Variants in PTP4A3 observed in about 807,000 individuals in gnomAD.
The protein encoded by PTP4A3 is protein tyrosine phosphatase type IVA 3.
In PTP4A3, 9 loss-of-function variants were observed where a neutral mutation model predicts 15.2. The observed-to-expected ratio is 0.59, with a 90% CI of 0.36 to 1.03. The LOEUF is 1.03. Ranked by LOEUF, PTP4A3 falls within the 50% of genes least tolerant of loss-of-function variation. The pLI is 0.02. For synonymous variants in PTP4A3, 95 were observed against 102.0 expected, an observed-to-expected ratio of 0.93 and a Z score of 0.41; for missense variants, 234 against 252.1, an observed-to-expected ratio of 0.93 and a Z score of 0.49.
chr8:141,404,781 C>T (rs544258664), intron 1 of PTP4A3, among the ~76,000 whole-genome samples: 2 of 152,262 alleles, frequency 1.3e-5, no homozygotes, highest in East Asian at 1.9e-4. Context: ...GTAGGAGTGG[C>T]AGCTCTGAGT....
intron 2 of PTP4A3, 133 bp downstream of exon 2, chr8:141,422,478 C>A: frequency 2.1e-6 from 2 of 938,548 alleles, no homozygotes; most frequent in Admixed American, 2.3e-5. Context: ...TGGAACAAAG[C>A]CCAGTCGCCT....
In PTP4A3 at chr8:141,425,174, CT is replaced by C; in HGVS notation, c.198+35del. ...CGCGCCACGGGGACCCTAGTCACTGCTGCCACCGGGGGAGGGTGGGGCGGGG... is the reference window on the plus strand; with the variant it reads ...CGCGCCACGGGGACCCTAGTCACTGCGCCACCGGGGGAGGGTGGGGCGGGG... On this transcript the variant is annotated intron_variant, in intron 3 of 5. Transcript: ENST00000521578. The surrounding 1 kb of genome is among the most constrained non-coding windows in gnomAD (Gnocchi z 4.2). The C allele has an allele frequency of 1.1e-6, 1 of 946,404 alleles. No individual in the cohort carries two copies. The highest frequency in any genetic ancestry group is 1.6e-6 in the Non-Finnish European group (1 of 623,172). The allele number at this position is 946,404 out of a possible 1,614,324, so 58.6% of individuals were successfully genotyped here. A position where few individuals can be genotyped will look rare whatever the true frequency, so the allele number is the denominator to read the frequency against.
At chr8:141,430,091 C>T (rs566936290) in intron 5 of PTP4A3, among the ~76,000 whole-genome samples, 46 of 143,524 alleles carry the variant, frequency 3.2e-4, no homozygotes, top group African/African-American at 1.2e-3. Context: ...GCTGTAAGGA[C>T]CAGGTGGCGG....
rs1021918187 is a variant in PTP4A3, at chr8:141,400,078, T to A, written c.-854+7994T>A. ...ATGCGCCACTATGCCCAGCTATTTT[T>A]TGTAGAGATGGCATTTCACCATGTT... is the stretch of plus-strand genomic sequence containing the variant. On this transcript the variant is annotated intron_variant, in intron 1 of 5. Coordinates refer to ENST00000521578, the MANE Select transcript of PTP4A3 (RefSeq NM_032611.3). Among the ~76,000 whole-genome samples, 30 of 152,342 alleles carry A rather than the reference T, an allele frequency of 2.0e-4. 1 individual carries two copies. The East Asian group carries it at 3.3e-3, about 17-fold the overall frequency.
chr8:141,404,873 A>T (rs1398579003), intron 1 of PTP4A3, among the ~76,000 whole-genome samples: 1 of 152,176 alleles, frequency 6.6e-6, no homozygotes, highest in African/African-American at 2.4e-5. Flanking sequence ...TATAAAGGGC[A>T]TGGAGCAGCG....
At chr8:141,423,478 GGTCAGGGTTCGGTGTGT>G (rs1833425340) in intron 2 of PTP4A3, among the ~76,000 whole-genome samples, 2 of 151,630 alleles carry the variant, frequency 1.3e-5, no homozygotes, top group African/African-American at 4.9e-5. Context: ...GTGTGACCAG[GGTCAGGGTTCGGTGTGT>G]GTCTGGGATC....
rs116324581 is a variant in PTP4A3, at chr8:141,414,592, G to A, written c.-853-6796G>A. Among the ~76,000 whole-genome samples the A allele has an allele frequency of 8.8e-3, 1,330 of 151,264 alleles. 5 individuals carry two copies. Among genetic ancestry groups the A allele is most frequent in the South Asian group, 0.043 (206 of 4,742 alleles). Reference sequence around the variant, plus strand: ...TCGGGCAGGTGGCTGAGGAGAATGCGGGCACTGAGCTTGGGAAGAGCCCTG... The same window carrying A: ...TCGGGCAGGTGGCTGAGGAGAATGCAGGCACTGAGCTTGGGAAGAGCCCTG... On this transcript the variant is annotated intron_variant, in intron 1 of 5. Transcript: ENST00000521578.
At chr8:141,395,997 C>T (rs1169385849) in intron 1 of PTP4A3, among the ~76,000 whole-genome samples, 1 of 152,220 alleles carries the variant, frequency 6.6e-6, no homozygotes, top group Non-Finnish European at 1.5e-5. Context: ...CCACCCTGTC[C>T]TGGCCACCTG....
At chr8:141,418,017 G>C (rs1233173978) in intron 1 of PTP4A3, among the ~76,000 whole-genome samples, 2 of 151,996 alleles carry the variant, frequency 1.3e-5, no homozygotes, top group Non-Finnish European at 2.9e-5. Context: ...CCTGCGGCGC[G>C]GGTGAGCCTG....
rs1358859104 is a variant in PTP4A3 at position 141,406,462 on chromosome 8, C to T, written c.-854+14378C>T. ...AGCCCGCCCTTTCCGGAGAGCAGTTCCCTGGGGTGTCCCCCTGGGAAGTCC... is the reference window on the plus strand; with the variant it reads ...AGCCCGCCCTTTCCGGAGAGCAGTTTCCTGGGGTGTCCCCCTGGGAAGTCC... On this transcript the variant is annotated intron_variant, in intron 1 of 5. Coordinates refer to ENST00000521578, the MANE Select transcript of PTP4A3 (RefSeq NM_032611.3). The surrounding 1 kb of genome is among the most constrained non-coding windows in gnomAD (Gnocchi z 4.5). Among the ~76,000 whole-genome samples, 6 of 152,166 alleles carry T rather than the reference C, an allele frequency of 3.9e-5. No individual in the cohort carries two copies. The highest frequency in any genetic ancestry group is 1.2e-4 in the African/African-American group (5 of 41,522).
rs1833885241 is a variant in PTP4A3 at position 141,431,706 on chromosome 8, C to G, written c.*662C>G. 1 of 152,488 alleles carries G rather than the reference C, an allele frequency of 6.6e-6. No individual in the cohort carries two copies. 9.4% of individuals were successfully genotyped at this position (152,488 alleles called of 1,614,324 possible). A position where few individuals can be genotyped will look rare whatever the true frequency, so the allele number is the denominator to read the frequency against. On this transcript the variant is annotated 3_prime_UTR_variant, in exon 6 of 6. Coordinates refer to ENST00000521578, the MANE Select transcript of PTP4A3 (RefSeq NM_032611.3). The stretch of plus-strand genomic sequence containing the variant: ...CAGGGGCCAGCCTGCCCTGTCCTGT[C>G]CTGATACCGAGGTGGGAGCCCTGCC...
At chr8:141,394,189 CAGGTCCTGGCGAA>C (rs1832377819) in intron 1 of PTP4A3, among the ~76,000 whole-genome samples, 1 of 152,198 alleles carries the variant, frequency 6.6e-6, no homozygotes, top group Non-Finnish European at 1.5e-5. Context: ...CCCTGGTTGG[CAGGTCCTGGCGAA>C]AGGGTGAGTT....
intron 1 of PTP4A3, among the ~76,000 whole-genome samples, chr8:141,394,905 C>T (rs562796608): frequency 3.3e-5 from 5 of 152,362 alleles, no homozygotes; most frequent in South Asian, 2.1e-4. Context: ...TTCGGCGCCC[C>T]GCGAGTTGGG....
intron 1 of PTP4A3, among the ~76,000 whole-genome samples, chr8:141,402,824 C>T (rs986759011): frequency 9.2e-5 from 14 of 151,424 alleles, no homozygotes; most frequent in African/African-American, 2.4e-4. Context: ...CTTGGGGTTT[C>T]GGGCCTGGCA....
At chr8:141,415,616 G>A (rs1833010656) in intron 1 of PTP4A3, among the ~76,000 whole-genome samples, 1 of 106,634 alleles carries the variant, frequency 9.4e-6, no homozygotes, top group Non-Finnish European at 2.0e-5. Flanking sequence ...TTTGACGTGC[G>A]CGGAGGGCGG....
chr8:141,399,227 G>C (rs1305325360), intron 1 of PTP4A3, among the ~76,000 whole-genome samples: 1 of 152,210 alleles, frequency 6.6e-6, no homozygotes, highest in Non-Finnish European at 1.5e-5. Context: ...CCCCACTCTG[G>C]CATCTTCTAC....
rs145244210 is a variant in PTP4A3 at position 141,413,937 on chromosome 8, G to A, written c.-853-7451G>A. Among the ~76,000 whole-genome samples the A allele has an allele frequency of 2.5e-3, 388 of 152,346 alleles. 1 individual carries two copies. The highest frequency in any genetic ancestry group is 8.9e-3 in the African/African-American group (371 of 41,578). On this transcript the variant is annotated intron_variant, in intron 1 of 5. Transcript: ENST00000521578. ...AGATGCTGTGTGGACAGGAGGACAT[G>A]GAGGATTCGGGCTCACGGTGTCCCT...
At chr8:141,421,162 C>T (rs1833310140) in intron 1 of PTP4A3, among the ~76,000 whole-genome samples, 1 of 152,236 alleles carries the variant, frequency 6.6e-6, no homozygotes, top group South Asian at 2.1e-4. Context: ...GTGGTGGCTA[C>T]CCTGTCGCCT....
intron 1 of PTP4A3, among the ~76,000 whole-genome samples, chr8:141,399,262 CCT>C (rs1491331074): frequency 6.6e-6 from 1 of 151,844 alleles, no homozygotes; most frequent in Non-Finnish European, 1.5e-5. Context: ...CTGGCCCCCT[CCT>C]CTGGCTCGCC....
Sources: gnomAD v4.1 joint callset for allele counts (sites outside exome capture counted in the v4.1 genomes callset) on GRCh38, gnomAD v4.1.1 for gene constraint, Gnocchi (gnomAD v3.1) non-coding constraint, MANE v1.5 for transcripts, NCBI Gene and HGNC (gene_info 2026-07-23, HGNC 2026-07-21) for gene names.